GRID2: variants seen among roughly 807,000 people sequenced by gnomAD.
The protein encoded by GRID2 is glutamate ionotropic receptor delta type subunit 2, also known as glutamate receptor ionotropic, delta-2.
GRID2 carries 33 observed loss-of-function variants against 114.8 expected under a neutral mutation model. That is an observed-to-expected ratio of 0.29 (90% confidence interval 0.22 to 0.38). The LOEUF is 0.38. Among genes scored for constraint, GRID2 ranks in the 10% least tolerant of loss-of-function variants. GRID2 has a pLI of 1.00. For missense variants in GRID2, 1,184 were observed against 1,257.7 expected (o/e 0.94, Z 0.89); for synonymous variants, 505 against 449.9 (o/e 1.12, Z -1.55).
intron 2 of GRID2, among the ~76,000 whole-genome samples, chr4:93,007,083 A>G (rs1373675464): frequency 6.6e-6 from 1 of 152,084 alleles, no homozygotes; most frequent in African/African-American, 2.4e-5. Context: ...GAGAAGAAAA[A>G]GAAAAACAAA....
rs554458806 is a variant in GRID2, at chr4:92,978,708, A to C, written c.245-106287A>C. On this transcript the variant is annotated intron_variant, in intron 2 of 15. Transcript: ENST00000282020. ...CACAATTCATGATTTCACTAGTAAA[A>C]TATTATTTTGTTTCTTTCTAAATTA... Among the ~76,000 whole-genome samples the C allele has an allele frequency of 2.6e-5, 4 of 152,234 alleles. No homozygotes were observed. The South Asian group carries it at 8.3e-4, about 32-fold the overall frequency.
At chr4:93,019,984 G>C (rs893275625) in intron 2 of GRID2, among the ~76,000 whole-genome samples, 1 of 152,156 alleles carries the variant, frequency 6.6e-6, no homozygotes, top group Admixed American at 6.6e-5. Context: ...CCTGTGTTCA[G>C]ATTCTTCATT....
chr4:92,976,918 A>G (rs1001544286), intron 2 of GRID2, among the ~76,000 whole-genome samples: 1 of 152,320 alleles, frequency 6.6e-6, no homozygotes, highest in African/African-American at 2.4e-5. Context: ...ATGTTACGAC[A>G]CTTACTTTAC....
At chr4:93,170,382 C>T (rs1181748888) in intron 4 of GRID2, among the ~76,000 whole-genome samples, 3 of 151,604 alleles carry the variant, frequency 2.0e-5, no homozygotes, top group Non-Finnish European at 4.4e-5. Flanking sequence ...CTGTGCTGGG[C>T]CCCCCCCTTT....
intron 13 of GRID2, among the ~76,000 whole-genome samples, chr4:93,550,767 C>T (rs1468595719): frequency 6.6e-6 from 1 of 152,094 alleles, no homozygotes; most frequent in Non-Finnish European, 1.5e-5. Flanking sequence ...AATGTTTTTA[C>T]CAGCACAGAA....
chr4:92,351,643 C>T (rs1728074971), intron 1 of GRID2, among the ~76,000 whole-genome samples: 1 of 151,708 alleles, frequency 6.6e-6, no homozygotes, highest in South Asian at 2.1e-4. Context: ...ATAAACCAAC[C>T]TCTCCCTTCT....
intron 2 of GRID2, among the ~76,000 whole-genome samples, chr4:92,621,596 G>A (rs1323193989): frequency 6.6e-6 from 1 of 151,670 alleles, no homozygotes; most frequent in African/African-American, 2.4e-5. Flanking sequence ...AAGAGTTCAA[G>A]GATGCAGTAA....
chr4:93,537,290 G>A (rs753442758), intron 13 of GRID2, among the ~76,000 whole-genome samples: 5 of 151,568 alleles, frequency 3.3e-5, no homozygotes, highest in African/African-American at 1.2e-4. Flanking sequence ...TTCTTTTAGT[G>A]TTTACATAGC....
intron 1 of GRID2, among the ~76,000 whole-genome samples, chr4:92,527,053 G>T: frequency 6.6e-6 from 1 of 151,696 alleles, no homozygotes; most frequent in Non-Finnish European, 1.5e-5. Context: ...AAGGGATGAG[G>T]ATACGTTTGA....
chr4:93,272,857 AT>A (rs1334646902), intron 8 of GRID2, among the ~76,000 whole-genome samples: 1 of 152,118 alleles, frequency 6.6e-6, no homozygotes, highest in Non-Finnish European at 1.5e-5. Flanking sequence ...CTCATACTGC[AT>A]TTCCTTAGGT....
chr4:93,084,626 T>A (rs981125033), intron 2 of GRID2, among the ~76,000 whole-genome samples: 1 of 152,196 alleles, frequency 6.6e-6, no homozygotes, highest in Admixed American at 6.5e-5. Flanking sequence ...TATAAATTGA[T>A]AATTACAAAA....
chr4:92,618,208 G>A (rs1309803713), intron 2 of GRID2, among the ~76,000 whole-genome samples: 2 of 151,680 alleles, frequency 1.3e-5, no homozygotes, highest in African/African-American at 4.8e-5. Flanking sequence ...GGAGGATCTA[G>A]TTTTATTTTT....
chr4:93,499,224 G>C (rs1002217717), intron 12 of GRID2, among the ~76,000 whole-genome samples: 2 of 151,712 alleles, frequency 1.3e-5, no homozygotes, highest in African/African-American at 4.8e-5. Flanking sequence ...TATCATGACT[G>C]TCCCTGCCTG....
At chr4:93,605,697 T>C (rs1740160029) in intron 13 of GRID2, among the ~76,000 whole-genome samples, 3 of 152,204 alleles carry the variant, frequency 2.0e-5, no homozygotes, top group Admixed American at 2.0e-4. Context: ...TATTGGGCCT[T>C]GTGCTAGACA....
At chr4:93,167,512 G>C (rs1738367297) in intron 4 of GRID2, among the ~76,000 whole-genome samples, 2 of 152,026 alleles carry the variant, frequency 1.3e-5, no homozygotes, top group African/African-American at 4.8e-5. Flanking sequence ...ATTTGGGTAG[G>C]CTCCTTTTTT....
chr4:93,280,112 C>A (rs1752499422), intron 8 of GRID2, among the ~76,000 whole-genome samples: 1 of 151,820 alleles, frequency 6.6e-6, no homozygotes, highest in African/African-American at 2.4e-5. Flanking sequence ...AGTTTGGTAT[C>A]TGTGATAGGA....
intron 1 of GRID2, among the ~76,000 whole-genome samples, chr4:92,544,146 C>T (rs11097340): frequency 0.44 from 66,895 of 151,814 alleles, 14,870 homozygotes; most frequent in Middle Eastern, 0.57. Flanking sequence ...TGGAGGAGTT[C>T]CTCTCAACAA....
intron 4 of GRID2, among the ~76,000 whole-genome samples, chr4:93,127,378 G>C (rs769267563): frequency 1.3e-5 from 2 of 151,790 alleles, no homozygotes; most frequent in Non-Finnish European, 2.9e-5. Context: ...ACGATTTTTA[G>C]AACAAAATAA....
chr4:92,343,342 A>T (rs1727605960), intron 1 of GRID2, among the ~76,000 whole-genome samples: 2 of 151,850 alleles, frequency 1.3e-5, no homozygotes, highest in Non-Finnish European at 2.9e-5. Context: ...ATACATAAAC[A>T]TACACTATAC....
Sources: gnomAD v4.1 joint callset for allele counts (sites outside exome capture counted in the v4.1 genomes callset) on GRCh38, gnomAD v4.1.1 for gene constraint, MANE v1.5 for transcripts, NCBI Gene and HGNC (gene_info 2026-07-23, HGNC 2026-07-21) for gene names.